The following RABL3 variants were observed in gnomAD, a reference collection of about 807,000 sequenced individuals.
RABL3 encodes the protein rab-like protein 3.
A neutral mutation model predicts 31.8 loss-of-function variants in RABL3; 31 were observed. The ratio of observed to expected loss-of-function variants is 0.97; its 90% CI spans 0.73 to 1.31. RABL3 has a LOEUF of 1.31. Ranked by LOEUF, RABL3 falls within the 40% of genes most tolerant of loss-of-function variation. The pLI, the probability that RABL3 is intolerant of heterozygous loss-of-function variation, is 0.00. For missense variants in RABL3, 263 were observed against 279.6 expected (o/e 0.94, Z 0.42); for synonymous variants, 97 against 99.9 (o/e 0.97, Z 0.18).
rs1015425068 is a variant in RABL3, at chr3:120,709,889, T to C, written c.159A>G (p.Gly53=). 1 of 1,600,276 alleles carries C rather than the reference T, an allele frequency of 6.2e-7. No homozygotes were observed. ...TGTAGTAGGTCTTCTCTTCTGGGGT[T>C]CCTTCTTTGTAATCATGAACCTAAC... ...VDVRVHDYKE[G]TPEEKTYYIE... is the part of the protein sequence containing the mutation. The change falls in exon 3 of 8, where the codon GGA becomes GGG. Residue 53 remains glycine, a synonymous_variant. Coordinates refer to ENST00000273375, the MANE Select transcript of RABL3 (RefSeq NM_173825.5).
At chr3:120,733,623 C>T (rs1300383361) in intron 1 of RABL3, among the ~76,000 whole-genome samples, 1 of 152,140 alleles carries the variant, frequency 6.6e-6, no homozygotes, top group East Asian at 1.9e-4. Context: ...GACATGAAGT[C>T]CTTGCCCATG....
intron 1 of RABL3, among the ~76,000 whole-genome samples, chr3:120,742,027 G>C (rs1443469040): frequency 6.6e-6 from 1 of 150,916 alleles, no homozygotes; most frequent in Non-Finnish European, 1.5e-5. Context: ...GCGCTTGCCA[G>C]TGCACGTTTC....
intron 3 of RABL3, among the ~76,000 whole-genome samples, chr3:120,707,418 C>A (rs1708561721): frequency 6.6e-6 from 1 of 152,100 alleles, no homozygotes; most frequent in African/African-American, 2.4e-5. Context: ...TTATTCAGTA[C>A]TAATGTACTA....
chr3:120,696,135 A>G (rs1338358189), intron 5 of RABL3, among the ~76,000 whole-genome samples: 1 of 152,232 alleles, frequency 6.6e-6, no homozygotes, highest in African/African-American at 2.4e-5. Flanking sequence ...ACAGGATTTT[A>G]GAAAATAAGT....
At chr3:120,738,303 G>T (rs1028238661) in intron 1 of RABL3, among the ~76,000 whole-genome samples, 22 of 152,254 alleles carry the variant, frequency 1.4e-4, no homozygotes, top group Non-Finnish European at 2.8e-4. Context: ...CTCTGAGCCA[G>T]GTCAGAGATA....
At position 120,686,894 on chromosome 3, in the gene RABL3, G is replaced by A. The variant is rs1330548039; in HGVS notation, c.*2929C>T. The A allele has an allele frequency of 2.6e-5, 4 of 152,160 alleles. 1 individual carries two copies. The highest frequency in any genetic ancestry group is 4.4e-5 in the Non-Finnish European group (3 of 68,032). 9.4% of individuals were successfully genotyped at this position (152,160 alleles called of 1,614,324 possible). ...TGTCCAGATTCTTCTTGGTGTCTCTGTATCTGTGAGGATAAAGGGTACCTA... is the reference window on the plus strand; with the variant it reads ...TGTCCAGATTCTTCTTGGTGTCTCTATATCTGTGAGGATAAAGGGTACCTA... On this transcript the variant is annotated 3_prime_UTR_variant, in exon 8 of 8. Transcript: ENST00000273375.
At chr3:120,723,994 AGAG>A (rs1388508414) in intron 2 of RABL3, among the ~76,000 whole-genome samples, 1 of 152,184 alleles carries the variant, frequency 6.6e-6, no homozygotes, top group Non-Finnish European at 1.5e-5. Context: ...AATTAGGAAA[AGAG>A]GAAGTCAAAT....
At chr3:120,690,122 A>G (rs1708362272) in intron 7 of RABL3, among the ~76,000 whole-genome samples, 1 of 152,194 alleles carries the variant, frequency 6.6e-6, no homozygotes, top group African/African-American at 2.4e-5. Flanking sequence ...GAAAGAATGA[A>G]GGTAAATCTC....
chr3:120,692,977 T>C (rs1450033608), intron 6 of RABL3, among the ~76,000 whole-genome samples: 5 of 152,120 alleles, frequency 3.3e-5, no homozygotes, highest in Admixed American at 1.3e-4. Flanking sequence ...TTGAAAACAA[T>C]GTGGGCAAAA....
chr3:120,716,550 G>T (rs944301629), intron 2 of RABL3, among the ~76,000 whole-genome samples: 1 of 151,536 alleles, frequency 6.6e-6, no homozygotes, highest in Admixed American at 6.6e-5. Context: ...CACCAACATG[G>T]CACATGTATA....
At chr3:120,706,628 T>TTTTTTTTTTTTTTTTTTTGAG (rs1216005895) in intron 3 of RABL3, among the ~76,000 whole-genome samples, 2 of 151,262 alleles carry the variant, frequency 1.3e-5, no homozygotes, top group Non-Finnish European at 3.0e-5. Context: ...TGCTATTCTT[T>TTTTTTTTTTTTTTTTTTTGAG]AGCTGACAAA....
rs561117471 is a variant in RABL3 at position 120,709,947 on chromosome 3, C to G, written c.139-38G>C. On this transcript the variant is annotated intron_variant, in intron 2 of 7. Coordinates refer to ENST00000273375, the MANE Select transcript of RABL3 (RefSeq NM_173825.5). ...TCAATTAAAATAATTAATATAGCCA[C>G]TAAACAAACTAGTAAGTACCCTTAT... 41 of 1,477,848 alleles carry G rather than the reference C, an allele frequency of 2.8e-5. No individual in the cohort carries two copies. In the South Asian group the frequency reaches 3.4e-4, roughly 12 times the overall value. 91.5% of individuals were successfully genotyped at this position (1,477,848 alleles called of 1,614,324 possible).
At chr3:120,741,824 G>A (rs1388720953) in intron 1 of RABL3, among the ~76,000 whole-genome samples, 1 of 152,146 alleles carries the variant, frequency 6.6e-6, no homozygotes, top group Non-Finnish European at 1.5e-5. Context: ...CGAGAACCAG[G>A]AAATTAAGCT....
chr3:120,691,833 T>G (rs914793547), intron 6 of RABL3, among the ~76,000 whole-genome samples: 9 of 152,194 alleles, frequency 5.9e-5, no homozygotes, highest in Admixed American at 5.9e-4. Flanking sequence ...TTGCTCTCTC[T>G]GGTGCCACAG....
At chr3:120,733,785 T>C (rs1011356020) in intron 1 of RABL3, among the ~76,000 whole-genome samples, 1 of 152,198 alleles carries the variant, frequency 6.6e-6, no homozygotes, top group African/African-American at 2.4e-5. Flanking sequence ...GCTAGCCAGT[T>C]TTCCCAGCAC....
At chr3:120,731,887 A>G (rs1708888001) in intron 1 of RABL3, among the ~76,000 whole-genome samples, 2 of 152,086 alleles carry the variant, frequency 1.3e-5, no homozygotes, top group South Asian at 4.1e-4. Flanking sequence ...CTGCATCTCT[A>G]CAAAAAATAA....
chr3:120,712,292 T>C (rs1480882281), intron 2 of RABL3, among the ~76,000 whole-genome samples: 2 of 152,090 alleles, frequency 1.3e-5, no homozygotes, highest in Non-Finnish European at 2.9e-5. Context: ...TGAGGACCAT[T>C]TGGGATAATG....
intron 1 of RABL3, among the ~76,000 whole-genome samples, chr3:120,732,334 G>A (rs1576347294): frequency 6.6e-6 from 1 of 152,078 alleles, no homozygotes; most frequent in African/African-American, 2.4e-5. Flanking sequence ...GGAGAACTAA[G>A]CATAGCATCC....
chr3:120,739,221 A>G (rs1709011333), intron 1 of RABL3, among the ~76,000 whole-genome samples: 1 of 152,170 alleles, frequency 6.6e-6, no homozygotes. Flanking sequence ...TACTAAAAAT[A>G]CAAAAATTAG....
Sources: allele counts gnomAD v4.1 joint callset (sites outside exome capture counted in the v4.1 genomes callset), GRCh38; gene constraint gnomAD v4.1.1; transcripts MANE v1.5; gene names NCBI Gene and HGNC (gene_info 2026-07-23, HGNC 2026-07-21).